The following RRH variants were observed in gnomAD, a reference collection of about 807,000 sequenced individuals.
The protein encoded by RRH is retinal pigment epithelium-derived rhodopsin homolog.
RRH carries 36 observed loss-of-function variants against 33.1 expected under a neutral mutation model. That is an observed-to-expected ratio of 1.09 (90% confidence interval 0.83 to 1.44). The LOEUF (loss-of-function observed/expected upper bound fraction) is 1.44. Ranked by LOEUF, RRH falls within the 40% of genes most tolerant of loss-of-function variation. The pLI, the probability that RRH is intolerant of heterozygous loss-of-function variation, is 0.00. For missense variants in RRH, 393 were observed against 420.2 expected, an observed-to-expected ratio of 0.94 and a Z score of 0.57; for synonymous variants, 124 against 140.2, an observed-to-expected ratio of 0.88 and a Z score of 0.82.
Position 109,844,279 on chromosome 4 carries a change from A to G in RRH, c.*82A>G, listed in dbSNP as rs1734040308. On this transcript the variant is annotated 3_prime_UTR_variant, in exon 7 of 7. Transcript: ENST00000317735. ...TTTAAATATGAGCCCATTTAGATCA[A>G]GTGCAGACATGGATCATTGTCCTAT... 1 of 859,274 alleles carries G rather than the reference A, an allele frequency of 1.2e-6. No individual in the cohort carries two copies. 53.2% of individuals were successfully genotyped at this position (859,274 alleles called of 1,614,324 possible).
chr4:109,833,247 T>C lies in RRH; in HGVS notation c.215T>C (p.Ile72Thr), dbSNP rs764003321. Reference protein sequence around the residue: ...AIIINLAVTDIGVSSIGYPMS... With the variant: ...AIIINLAVTDTGVSSIGYPMS... ...ATTATTAACCTGGCTGTTACTGATATAGGGGTCAGTAGCATTGGCTATCCC... is the reference window on the plus strand; with the variant it reads ...ATTATTAACCTGGCTGTTACTGATACAGGGGTCAGTAGCATTGGCTATCCC... The change falls in exon 2 of 7, where the codon ATA (isoleucine) becomes ACA (threonine). Residue 72 changes from isoleucine (I) to threonine (T), a missense_variant. Coordinates refer to ENST00000317735, the MANE Select transcript of RRH (RefSeq NM_006583.5). The C allele has an allele frequency of 1.5e-5, 25 of 1,613,672 alleles. No individual in the cohort carries two copies. The African/African-American group carries it at 1.6e-4, about 10-fold the overall frequency.
At chr4:109,833,426 G>T in intron 2 of RRH, 97 bp downstream of exon 2, 1 of 945,794 alleles carries the variant, frequency 1.1e-6, no homozygotes. Context: ...ATTGAATATT[G>T]TAGAATAATA....
At position 109,836,019 on chromosome 4, in the gene RRH, C is replaced by T. The variant is rs775819874; in HGVS notation, c.410C>T (p.Thr137Ile). 9 of 1,614,002 alleles carry T rather than the reference C, an allele frequency of 5.6e-6. No individual in the cohort carries two copies. The highest frequency in any genetic ancestry group is 1.3e-5 in the African/African-American group (1 of 74,910). Reference sequence around the variant, plus strand: ...TGCTTGATAATAGGGAGAAGAATGACCACCAACACTTACATCGGCTTGATT... The same window carrying T: ...TGCTTGATAATAGGGAGAAGAATGATCACCAACACTTACATCGGCTTGATT... ...ICLPDVGRRM[T>I]TNTYIGLILG... The change falls in exon 4 of 7, where the codon ACC becomes ATC. Residue 137 changes from threonine (T) to isoleucine (I), a missense_variant. Coordinates refer to ENST00000317735, the MANE Select transcript of RRH (RefSeq NM_006583.5).
intron 1 of RRH, among the ~76,000 whole-genome samples, chr4:109,828,411 T>G (rs10018709): frequency 0.037 from 5,595 of 152,210 alleles, 333 homozygotes; most frequent in African/African-American, 0.12. Context: ...ATAAGAGCAG[T>G]GAAGTGGGGC....
At chr4:109,834,510 AT>A (rs35857159) in intron 2 of RRH, among the ~76,000 whole-genome samples, 2,090 of 124,202 alleles carry the variant, frequency 0.017, 54 homozygotes, top group African/African-American at 0.062. Flanking sequence ...TTTTTTTTGT[AT>A]TTTTTTTTTT....
chr4:109,832,684 A>T (rs1733783299), intron 1 of RRH, among the ~76,000 whole-genome samples: 2 of 152,120 alleles, frequency 1.3e-5, no homozygotes, highest in Non-Finnish European at 2.9e-5. Context: ...AAATAGTGAC[A>T]AAAGTGCTGT....
chr4:109,836,737 T>C (rs4698749), intron 4 of RRH, among the ~76,000 whole-genome samples: 32,593 of 151,868 alleles, frequency 0.21, 4,298 homozygotes, highest in East Asian at 0.43. Context: ...ATCTCAAACC[T>C]GATCTAAATT....
chr4:109,828,189 T>C lies in RRH; in HGVS notation c.106+56T>C, dbSNP rs1423087995. ...TAGAATGGGTGAAGAAAGGCAGAAGTTTTCAGCATAAGGCATGCATTGTTT... is the reference window on the plus strand; with the variant it reads ...TAGAATGGGTGAAGAAAGGCAGAAGCTTTCAGCATAAGGCATGCATTGTTT... On this transcript the variant is annotated intron_variant, in intron 1 of 6. Coordinates refer to ENST00000317735, the MANE Select transcript of RRH (RefSeq NM_006583.5). The C allele has an allele frequency of 3.3e-6, 4 of 1,205,000 alleles. No homozygotes were observed. The African/African-American group carries it at 6.0e-5, about 18-fold the overall frequency. 74.6% of individuals were successfully genotyped at this position (1,205,000 alleles called of 1,614,324 possible). A position where few individuals can be genotyped will look rare whatever the true frequency, so the allele number is the denominator to read the frequency against.
chr4:109,833,131 G>T lies in RRH; in HGVS notation c.107-8G>T. 6.2e-7 allele frequency: 1 copy of T among 1,608,900 alleles called. No individual in the cohort carries two copies. The highest frequency in any genetic ancestry group is 8.5e-7 in the Non-Finnish European group (1 of 1,175,348). The stretch of plus-strand genomic sequence containing the variant: ...CAAAATGCATCATATTTTTGTGTGT[G>T]TTCTCAGGTATGATAAGTATTATCA... On this transcript the variant is annotated splice_region_variant and splice_polypyrimidine_tract_variant and intron_variant, in intron 1 of 6. Coordinates refer to ENST00000317735, the MANE Select transcript of RRH (RefSeq NM_006583.5).
chr4:109,840,563 A>G (rs1324267606), intron 5 of RRH, among the ~76,000 whole-genome samples: 1 of 152,052 alleles, frequency 6.6e-6, no homozygotes, highest in Non-Finnish European at 1.5e-5. Flanking sequence ...CCTGAATGGT[A>G]TTGCCTGGGT....
intron 4 of RRH, among the ~76,000 whole-genome samples, chr4:109,836,397 C>T (rs374230114): frequency 2.6e-5 from 4 of 152,352 alleles, no homozygotes; most frequent in African/African-American, 7.2e-5. Flanking sequence ...TTCCTCCCTC[C>T]CCTGTGTTCT....
In RRH at chr4:109,842,783, C is replaced by T. The variant is rs1734009984; in HGVS notation, c.899+136C>T. 1.2e-5 allele frequency: 9 copies of T among 747,768 alleles called. No homozygotes were observed. The Admixed American group carries it at 1.7e-4, about 14-fold the overall frequency. 46.3% of individuals were successfully genotyped at this position (747,768 alleles called of 1,614,324 possible). On this transcript the variant is annotated intron_variant, in intron 6 of 6. Transcript: ENST00000317735. Reference sequence around the variant, plus strand: ...CATTTGCCTCATGTGACTGGAGCAGCATCTAGGACCTTAAATGCTTAGAGC... The same window carrying T: ...CATTTGCCTCATGTGACTGGAGCAGTATCTAGGACCTTAAATGCTTAGAGC...
At position 109,835,362 on chromosome 4, in the gene RRH, T is replaced by G. The variant is rs1356960395; in HGVS notation, c.298-4T>G. ...GGTAGAGTCTTTTCAATTTTGGTTT[T>G]CAGGTTTATGCTGGATTGAATATTT... On this transcript the variant is annotated splice_polypyrimidine_tract_variant and splice_region_variant and intron_variant, in intron 2 of 6. Coordinates refer to ENST00000317735, the MANE Select transcript of RRH (RefSeq NM_006583.5). The G allele has an allele frequency of 6.2e-7, 1 of 1,612,530 alleles. No homozygotes were observed.
At chr4:109,836,415 G>A (rs1293199155) in intron 4 of RRH, among the ~76,000 whole-genome samples, 2 of 152,160 alleles carry the variant, frequency 1.3e-5, no homozygotes, top group Admixed American at 6.5e-5. Context: ...TCTCTCTTAA[G>A]GCAGCAATGC....
chr4:109,828,805 G>C (rs1733689564), intron 1 of RRH, among the ~76,000 whole-genome samples: 1 of 151,922 alleles, frequency 6.6e-6, no homozygotes, highest in African/African-American at 2.4e-5. Flanking sequence ...GTAAAACAAG[G>C]ATAAGAATAA....
chr4:109,835,031 T>G (rs756693632), intron 2 of RRH, among the ~76,000 whole-genome samples: 1 of 152,190 alleles, frequency 6.6e-6, no homozygotes, highest in Non-Finnish European at 1.5e-5. Context: ...TTCTATTGAG[T>G]TTGTCTTTTC....
intron 5 of RRH, among the ~76,000 whole-genome samples, chr4:109,839,277 T>TA (rs1733943887): frequency 6.6e-6 from 1 of 152,126 alleles, no homozygotes; most frequent in Non-Finnish European, 1.5e-5. Flanking sequence ...AATATTAATG[T>TA]AAAAATTATG....
intron 5 of RRH, among the ~76,000 whole-genome samples, chr4:109,840,725 C>T (rs1733968493): frequency 6.6e-6 from 1 of 150,460 alleles, no homozygotes; most frequent in Admixed American, 6.6e-5. Context: ...TTTTGTTTCC[C>T]CTGAGTTCTT....
intron 1 of RRH, among the ~76,000 whole-genome samples, chr4:109,829,803 T>C (rs1490294661): frequency 6.6e-6 from 1 of 152,178 alleles, no homozygotes; most frequent in Non-Finnish European, 1.5e-5. Flanking sequence ...TTTATCAAGG[T>C]ATACAATGAG....
Sources: gnomAD v4.1 joint callset for allele counts (sites outside exome capture counted in the v4.1 genomes callset) on GRCh38, gnomAD v4.1.1 for gene constraint, MANE v1.5 for transcripts, NCBI Gene and HGNC (gene_info 2026-07-23, HGNC 2026-07-21) for gene names.